HTT: variants seen among roughly 807,000 people sequenced by gnomAD.
The protein encoded by HTT is huntingtin, also known as huntington disease protein.
Under a neutral mutation model 362.3 loss-of-function variants are expected in HTT, and 104 were observed. That is an observed-to-expected ratio of 0.29 (90% CI 0.24 to 0.34). The LOEUF (loss-of-function observed/expected upper bound fraction) is 0.34. Ranked by LOEUF, HTT falls within the 10% of genes least tolerant of loss-of-function variation. HTT has a pLI of 1.00. For synonymous variants in HTT, 1,577 were observed against 1,548.7 expected (o/e 1.02, Z -0.43); for missense variants, 3,301 against 3,928.6 (o/e 0.84, Z 4.27).
chr4:3,122,639 G>T (rs1027021943), intron 9 of HTT, among the ~76,000 whole-genome samples: 1 of 152,082 alleles, frequency 6.6e-6, no homozygotes, highest in African/African-American at 2.4e-5. Context: ...CTTTTAATTT[G>T]GCTTTTACAA....
intron 12 of HTT, chr4:3,129,109 A>G (rs1439413171): frequency 6.6e-6 from 1 of 152,260 alleles, no homozygotes; most frequent in African/African-American, 2.4e-5. Context: ...CAGGCCAAAT[A>G]CTATTCCATT....
intron 27 of HTT, among the ~76,000 whole-genome samples, chr4:3,156,123 C>G (rs990688249): frequency 6.6e-6 from 1 of 152,068 alleles, no homozygotes; most frequent in South Asian, 2.1e-4. Flanking sequence ...CCTTGACCAA[C>G]ACATTCAAGG....
chr4:3,241,766 C>G lies in HTT; in HGVS notation c.*1707C>G, dbSNP rs1323119361. On this transcript the variant is annotated 3_prime_UTR_variant, in exon 67 of 67. Coordinates refer to ENST00000355072, the MANE Select transcript of HTT (RefSeq NM_001388492.1). ...GTGAGGGGGAGCTGAAAGGGAGCCC[C>G]TCCTCTGAGCAGCCTCTGCCAGGCC... The G allele has an allele frequency of 6.6e-6, 1 of 152,202 alleles. No individual in the cohort carries two copies. The highest frequency in any genetic ancestry group is 1.5e-5 in the Non-Finnish European group (1 of 68,056). The allele number at this position is 152,202 out of a possible 1,614,324, so 9.4% of individuals were successfully genotyped here.
chr4:3,216,357 C>G (rs759502453), intron 51 of HTT, among the ~76,000 whole-genome samples: 1 of 152,204 alleles, frequency 6.6e-6, no homozygotes. Context: ...ACACCCACCT[C>G]CCTACTCTGC....
rs1720651017 is a variant in HTT, at chr4:3,221,060, G to A, written c.7369+752G>A. On this transcript the variant is annotated intron_variant, in intron 53 of 66. Coordinates refer to ENST00000355072, the MANE Select transcript of HTT (RefSeq NM_001388492.1). ...CTTGTGGTGGGACTGTAATCAGTCAGTTCTCAGTGACTGTGCCCTGCTGTG... is the reference window on the plus strand; with the variant it reads ...CTTGTGGTGGGACTGTAATCAGTCAATTCTCAGTGACTGTGCCCTGCTGTG... Among the ~76,000 whole-genome samples the A allele has an allele frequency of 2.0e-5, 3 of 152,272 alleles. 1 individual carries two copies. The Middle Eastern group carries it at 0.01, about 518-fold the overall frequency.
At chr4:3,209,577 T>A (rs1720036339) in intron 46 of HTT, among the ~76,000 whole-genome samples, 1 of 152,068 alleles carries the variant, frequency 6.6e-6, no homozygotes, top group African/African-American at 2.4e-5. Flanking sequence ...GTGGTTTAGC[T>A]ATATTTGGAA....
chr4:3,213,875 A>T, intron 49 of HTT, 83 bp from the exon 50 acceptor site: 2 of 1,309,856 alleles, frequency 1.5e-6, no homozygotes, highest in Non-Finnish European at 1.0e-6. Flanking sequence ...AGTGCTTTGG[A>T]CGGTTCCACA....
intron 37 of HTT, among the ~76,000 whole-genome samples, chr4:3,184,716 G>A (rs1718681604): frequency 6.6e-6 from 1 of 152,134 alleles, no homozygotes; most frequent in Admixed American, 6.5e-5. Flanking sequence ...GGTGCCTAAT[G>A]AGGTGAGGCC....
intron 21 of HTT, among the ~76,000 whole-genome samples, chr4:3,136,933 T>TC (rs1399431089): frequency 6.6e-6 from 1 of 152,040 alleles, no homozygotes; most frequent in African/African-American, 2.4e-5. Context: ...TTTTTTATTT[T>TC]TTTTTTGAGA....
chr4:3,122,968 G>C, intron 10 of HTT, 32 bp downstream of exon 10: 1 of 1,546,362 alleles, frequency 6.5e-7, no homozygotes, highest in Non-Finnish European at 8.9e-7. Context: ...GTCTTGTGTT[G>C]AATCTTACTG....
At chr4:3,160,551 G>A (rs933674318) in intron 29 of HTT, among the ~76,000 whole-genome samples, 159 bp downstream of exon 29, 4 of 152,130 alleles carry the variant, frequency 2.6e-5, no homozygotes, top group Non-Finnish European at 5.9e-5. Flanking sequence ...GTCTGACTCT[G>A]CCTTAGCCAT....
chr4:3,223,402 C>T lies in HTT; in HGVS notation c.7471-4C>T. 2 of 1,573,054 alleles carry T rather than the reference C, an allele frequency of 1.3e-6. No individual in the cohort carries two copies. The highest frequency in any genetic ancestry group is 1.2e-5 in the South Asian group (1 of 85,932). ...TCTTGTTGACATGTGGGCTCTCCTT[C>T]CAGGAAGACACAGAGAGGACCCAGA... On this transcript the variant is annotated splice_polypyrimidine_tract_variant and splice_region_variant and intron_variant, in intron 54 of 66. Transcript: ENST00000355072.
chr4:3,154,881 T>C (rs1033807720), intron 27 of HTT, among the ~76,000 whole-genome samples: 1 of 152,244 alleles, frequency 6.6e-6, no homozygotes. Flanking sequence ...TAAAGTCATC[T>C]GAGTTGGAGG....
Position 3,218,095 on chromosome 4 carries a change from G to A in HTT, c.7242+143G>A, listed in dbSNP as rs1459573304. 7.3e-6 allele frequency: 5 copies of A among 681,492 alleles called. No homozygotes were observed. The highest frequency in any genetic ancestry group is 9.5e-6 in the Non-Finnish European group (4 of 420,534). The allele number at this position is 681,492 out of a possible 1,614,324, so 42.2% of individuals were successfully genotyped here. ...TGGTTCTGGTGCCCACTGTGGTTCT[G>A]GTGCCAGGCTGCTTTCCTCAGGCAC... On this transcript the variant is annotated intron_variant, in intron 52 of 66. Transcript: ENST00000355072. This position sits in a 1 kb window ranked among gnomAD's most constrained non-coding sequence, Gnocchi z 4.4.
At chr4:3,136,980 T>C (rs1007166602) in intron 21 of HTT, among the ~76,000 whole-genome samples, 2 of 151,916 alleles carry the variant, frequency 1.3e-5, no homozygotes, top group Non-Finnish European at 2.9e-5. Context: ...CTATCTCGGC[T>C]CACTGCAACC....
intron 39 of HTT, chr4:3,188,626 C>T (rs1718876100): frequency 4.8e-6 from 1 of 208,732 alleles, no homozygotes; most frequent in Non-Finnish European, 9.6e-6. Context: ...ATGGCTTTCC[C>T]TGTGTCGCAT....
chr4:3,195,396 C>T (rs1246947792), intron 40 of HTT, among the ~76,000 whole-genome samples: 1 of 152,124 alleles, frequency 6.6e-6, no homozygotes, highest in Non-Finnish European at 1.5e-5. Flanking sequence ...TCTCTGGGTG[C>T]AGCCTGCATC....
At chr4:3,182,891 C>T (rs1718592240) in intron 37 of HTT, among the ~76,000 whole-genome samples, 1 of 152,162 alleles carries the variant, frequency 6.6e-6, no homozygotes, top group South Asian at 2.1e-4. Flanking sequence ...CCTTTCCCTT[C>T]CTTTCCTTTC....
intron 2 of HTT, among the ~76,000 whole-genome samples, chr4:3,092,122 A>T (rs370285695): frequency 2.4e-4 from 37 of 152,276 alleles, no homozygotes; most frequent in African/African-American, 8.4e-4. Context: ...TCCCGGGTTC[A>T]TGTGATTCTC....
Sources: gnomAD v4.1 joint callset for allele counts (sites outside exome capture counted in the v4.1 genomes callset) on GRCh38, gnomAD v4.1.1 for gene constraint, Gnocchi (gnomAD v3.1) non-coding constraint, MANE v1.5 for transcripts, NCBI Gene and HGNC (gene_info 2026-07-23, HGNC 2026-07-21) for gene names.